NRP2: variants seen among roughly 807,000 people sequenced by gnomAD.
NRP2 encodes the protein neuropilin 2.
Under a neutral mutation model 110.4 loss-of-function variants are expected in NRP2, and 52 were observed. The observed-to-expected ratio is 0.47, with a 90% CI of 0.38 to 0.59. NRP2 has a LOEUF of 0.59. Among genes scored for constraint, NRP2 ranks in the 20% least tolerant of loss-of-function variants. NRP2 has a pLI of 0.00. For synonymous variants in NRP2, 508 were observed against 468.9 expected, an observed-to-expected ratio of 1.08 and a Z score of -1.08; for missense variants, 1,049 against 1,203.0, an observed-to-expected ratio of 0.87 and a Z score of 1.89.
At chr2:205,776,427 C>T in intron 15 of NRP2, 1 of 1,613,570 alleles carries the variant, frequency 6.2e-7, no homozygotes, top group Non-Finnish European at 8.5e-7. Flanking sequence ...CCGATCACTC[C>T]ATCACCTACA....
intron 12 of NRP2, among the ~76,000 whole-genome samples, chr2:205,757,946 G>A (rs2057759914): frequency 6.6e-6 from 1 of 151,438 alleles, no homozygotes; most frequent in East Asian, 1.9e-4. Flanking sequence ...CCCCAGCAGT[G>A]TGTGGATTGA....
Position 205,697,697 on chromosome 2 carries a change from T to C in NRP2, c.227T>C (p.Phe76Ser). Residue 76 changes from phenylalanine to serine, a missense_variant, in exon 2 of 17, where the codon TTT becomes TCT. By Grantham distance (155) the Phe-to-Ser change is radical. Coordinates refer to ENST00000357785, the MANE Select transcript of NRP2 (RefSeq NM_003872.3). ...QKIVLNFNPHFEIEKHDCKYD... is the reference protein window; with the variant it reads ...QKIVLNFNPHSEIEKHDCKYD... ...ATTGTCCTCAACTTCAACCCTCACT[T>C]TGAAATCGAGAAGCACGACTGCAAG... 1.9e-6 allele frequency: 3 copies of C among 1,613,838 alleles called. No homozygotes were observed. Among genetic ancestry groups the C allele is most frequent in the Non-Finnish European group, 2.5e-6 (3 of 1,179,986 alleles).
At position 205,723,937 on chromosome 2, in the gene NRP2, G is replaced by C; in HGVS notation, c.817G>C (p.Glu273Gln). The C allele has an allele frequency of 1.2e-6, 2 of 1,614,096 alleles. No individual in the cohort carries two copies. Among genetic ancestry groups the C allele is most frequent in the Non-Finnish European group, 1.7e-6 (2 of 1,179,988 alleles). The change falls in exon 5 of 17, where the codon GAG becomes CAG. Residue 273 changes from glutamate (E) to glutamine (Q), a missense_variant. Glu to Gln is a conservative substitution (Grantham distance 29, BLOSUM62 2). Coordinates refer to ENST00000357785, the MANE Select transcript of NRP2 (RefSeq NM_003872.3). ...RYYLVHQEPL[E>Q]NFQCNVPLGM... ...CTACCTGGTCCACCAAGAGCCACTA[G>C]AGAGTGAGTTGGCCGATTGGGAACC... is the stretch of plus-strand genomic sequence containing the variant.
At chr2:205,734,267 A>T (rs1216294575) in intron 7 of NRP2, among the ~76,000 whole-genome samples, 4 of 151,972 alleles carry the variant, frequency 2.6e-5, no homozygotes, top group African/African-American at 9.7e-5. Flanking sequence ...AAGTTCCCAC[A>T]TCCACTAGAA....
chr2:205,769,194 A>T (rs368937340), intron 15 of NRP2, among the ~76,000 whole-genome samples: 2 of 152,328 alleles, frequency 1.3e-5, no homozygotes, highest in African/African-American at 4.8e-5. Context: ...TGGAAAGTTG[A>T]TGTTGAAACA....
intron 15 of NRP2, among the ~76,000 whole-genome samples, chr2:205,790,753 C>T (rs1170947390): frequency 1.3e-5 from 2 of 151,938 alleles, no homozygotes; most frequent in East Asian, 1.9e-4. Flanking sequence ...TTCATGTTCA[C>T]ATCTCCCTTC....
intron 2 of NRP2, among the ~76,000 whole-genome samples, chr2:205,715,313 G>T: frequency 6.6e-6 from 1 of 152,250 alleles, no homozygotes; most frequent in Middle Eastern, 3.4e-3. Flanking sequence ...TCTTTGAGGT[G>T]CCTGCTTCCC....
chr2:205,700,678 C>G (rs762508419), intron 2 of NRP2: 2 of 518,430 alleles, frequency 3.9e-6, no homozygotes, highest in African/African-American at 3.9e-5. Flanking sequence ...TTCCCCTAAC[C>G]GTTGCTTATT....
chr2:205,730,253 A>C (rs575059047), intron 7 of NRP2, among the ~76,000 whole-genome samples: 27 of 152,136 alleles, frequency 1.8e-4, no homozygotes, highest in Non-Finnish European at 4.4e-5. Context: ...CCCCTCATTC[A>C]CGGTGCGTCA....
intron 15 of NRP2, among the ~76,000 whole-genome samples, chr2:205,790,349 C>A (rs1349296968): frequency 6.6e-6 from 1 of 152,196 alleles, no homozygotes; most frequent in African/African-American, 2.4e-5. Flanking sequence ...ATGCCACATT[C>A]ACCCCTTTCC....
At chr2:205,731,733 G>A (rs1215962949) in intron 7 of NRP2, among the ~76,000 whole-genome samples, 3 of 152,192 alleles carry the variant, frequency 2.0e-5, no homozygotes, top group Non-Finnish European at 4.4e-5. Flanking sequence ...CCAAATGCAC[G>A]CTATTGGCCA....
chr2:205,742,687 G>A (rs1047117786), intron 8 of NRP2, among the ~76,000 whole-genome samples: 2 of 152,232 alleles, frequency 1.3e-5, no homozygotes, highest in Non-Finnish European at 2.9e-5. Context: ...ACAATTACTA[G>A]GAAATAATTC....
At chr2:205,761,053 C>T (rs1575643785) in intron 12 of NRP2, 2 of 152,200 alleles carry the variant, frequency 1.3e-5, no homozygotes, top group African/African-American at 4.8e-5. Flanking sequence ...ACACTGGGTG[C>T]TTCCACAAGC....
chr2:205,695,676 C>G (rs551568725), intron 1 of NRP2, among the ~76,000 whole-genome samples: 6 of 152,112 alleles, frequency 3.9e-5, no homozygotes, highest in African/African-American at 1.4e-4. Context: ...GAGCTGGACC[C>G]GGTAGAAAAT....
intron 15 of NRP2, chr2:205,767,102 A>T: frequency 2.1e-6 from 1 of 481,018 alleles, no homozygotes; most frequent in Non-Finnish European, 3.7e-6. Flanking sequence ...GAGGCTGAAA[A>T]TGCAGGGGTG....
At chr2:205,748,958 G>A (rs916098928) in intron 10 of NRP2, among the ~76,000 whole-genome samples, 1 of 152,208 alleles carries the variant, frequency 6.6e-6, no homozygotes, top group Non-Finnish European at 1.5e-5. Flanking sequence ...GCCTAGCCAG[G>A]GTTCATTGTG....
At chr2:205,748,262 G>A (rs148906975) in intron 10 of NRP2, among the ~76,000 whole-genome samples, 1 of 152,090 alleles carries the variant, frequency 6.6e-6, no homozygotes, top group African/African-American at 2.4e-5. Flanking sequence ...CTCATCTTCG[G>A]TTCACTTCTT....
Position 205,794,851 on chromosome 2 carries a change from T to C in NRP2, c.2574T>C (p.Asp858=). The change falls in exon 17 of 17, where the codon GAT becomes GAC. Residue 858 remains aspartate, a synonymous_variant. Transcript: ENST00000357785. ...AAAAGAGCTGGCTGTACACCCTGGA[T>C]CCCATCCTCATCACCATCATCGCCA... ...DKEKSWLYTL[D]PILITIIAMS... The C allele has an allele frequency of 6.2e-7, 1 of 1,614,160 alleles. No homozygotes were observed. The highest frequency in any genetic ancestry group is 8.5e-7 in the Non-Finnish European group (1 of 1,180,036).
chr2:205,788,244 T>G (rs558121389), intron 15 of NRP2, among the ~76,000 whole-genome samples: 197 of 152,298 alleles, frequency 1.3e-3, no homozygotes, highest in African/African-American at 4.3e-3. Context: ...GATCTTCATA[T>G]GAAAATGACC....
Sources: allele counts gnomAD v4.1 joint callset (sites outside exome capture counted in the v4.1 genomes callset), GRCh38; gene constraint gnomAD v4.1.1; transcripts MANE v1.5; gene names NCBI Gene and HGNC (gene_info 2026-07-23, HGNC 2026-07-21).